The following GRHL2 variants were observed in gnomAD, a reference collection of about 807,000 sequenced individuals.
GRHL2 encodes the protein grainyhead like transcription factor 2.
In GRHL2, 21 loss-of-function variants were observed where a neutral mutation model predicts 83.8. The ratio of observed to expected loss-of-function variants is 0.25; its 90% CI spans 0.18 to 0.36. The LOEUF is 0.36. Ranked by LOEUF, GRHL2 falls within the 10% of genes least tolerant of loss-of-function variation. The pLI, the probability that GRHL2 is intolerant of heterozygous loss-of-function variation, is 1.00. For synonymous variants in GRHL2, 280 were observed against 278.9 expected (o/e 1.00, Z -0.04); for missense variants, 623 against 781.8 (o/e 0.80, Z 2.42).
intron 8 of GRHL2, among the ~76,000 whole-genome samples, chr8:101,609,531 G>A (rs966186161): frequency 6.6e-6 from 1 of 150,934 alleles, no homozygotes; most frequent in Non-Finnish European, 1.5e-5. Flanking sequence ...ATTTATACAC[G>A]CACATGTGAA....
At chr8:101,521,582 G>T (rs879425872) in intron 1 of GRHL2, among the ~76,000 whole-genome samples, 1 of 152,090 alleles carries the variant, frequency 6.6e-6, no homozygotes, top group Non-Finnish European at 1.5e-5. Context: ...CTTTTTCATC[G>T]CTGTATCCCA....
Position 101,649,401 on chromosome 8 carries a change from C to G in GRHL2, c.1613-13C>G, listed in dbSNP as rs1470065241. 3.1e-6 allele frequency: 5 copies of G among 1,610,236 alleles called. No individual in the cohort carries two copies. Among genetic ancestry groups the G allele is most frequent in the Non-Finnish European group, 4.2e-6 (5 of 1,176,678 alleles). On this transcript the variant is annotated splice_polypyrimidine_tract_variant and intron_variant, in intron 13 of 15. Transcript: ENST00000646743. ...CCCCTCGGTCACGTGGCTCTCTTGC[C>G]CATCTCTTCCAGTGCTCTTGTACGT...
At position 101,632,339 on chromosome 8, in the gene GRHL2, T is replaced by C; in HGVS notation, c.1459T>C (p.Phe487Leu). 6.2e-7 allele frequency: 1 copy of C among 1,613,970 alleles called. No individual in the cohort carries two copies. Among genetic ancestry groups the C allele is most frequent in the Non-Finnish European group, 8.5e-7 (1 of 1,179,894 alleles). The change falls in exon 11 of 16, where the codon TTT (phenylalanine) becomes CTT (leucine). Residue 487 changes from phenylalanine (F) to leucine (L), a missense_variant. Transcript: ENST00000646743. Reference sequence around the variant, plus strand: ...AGTTCTCTTCATACCTGATGTTCACTTTGCAAACCTGCAGAGGACCGGACA... The same window carrying C: ...AGTTCTCTTCATACCTGATGTTCACCTTGCAAACCTGCAGAGGACCGGACA... ...QPVLFIPDVH[F>L]ANLQRTGQVY...
intron 1 of GRHL2, among the ~76,000 whole-genome samples, chr8:101,503,997 CATTTATGT>C (rs1300970442): frequency 6.6e-6 from 1 of 151,864 alleles, no homozygotes; most frequent in Non-Finnish European, 1.5e-5. Flanking sequence ...TTTATTTATG[CATTTATGT>C]ATTTATGTAT....
At chr8:101,554,914 C>A (rs1282315852) in intron 3 of GRHL2, among the ~76,000 whole-genome samples, 1 of 152,084 alleles carries the variant, frequency 6.6e-6, no homozygotes, top group Admixed American at 6.6e-5. Flanking sequence ...GCTTCAAAAG[C>A]TAAAACTGTT....
At position 101,492,622 on chromosome 8, in the gene GRHL2, G is replaced by A; in HGVS notation, c.-148G>A. ...GAGCGGGCGAGCGAGCGAGAGTGGT[G>A]AGGGGGGACGGAAAAGCAGAATTAC... On this transcript the variant is annotated 5_prime_UTR_variant, in exon 1 of 16. Coordinates refer to ENST00000646743, the MANE Select transcript of GRHL2 (RefSeq NM_024915.4). 1.3e-6 allele frequency: 1 copy of A among 764,626 alleles called. No individual in the cohort carries two copies. The highest frequency in any genetic ancestry group is 2.4e-6 in the Non-Finnish European group (1 of 418,500). The allele number at this position is 764,626 out of a possible 1,614,324, so 47.4% of individuals were successfully genotyped here. A position where few individuals can be genotyped will look rare whatever the true frequency, so the allele number is the denominator to read the frequency against.
rs1233649237 is a variant in GRHL2 at position 101,553,099 on chromosome 8, C to G, written c.284+317C>G. Among the ~76,000 whole-genome samples, 10 of 152,182 alleles carry G rather than the reference C, an allele frequency of 6.6e-5. No individual in the cohort carries two copies. In the South Asian group the frequency reaches 8.3e-4, roughly 13 times the overall value. Reference sequence around the variant, plus strand: ...TTAACTTTTCTGATCAATCCTATGGCATTATAACTGCAATTAGGCCCCTCA... The same window carrying G: ...TTAACTTTTCTGATCAATCCTATGGGATTATAACTGCAATTAGGCCCCTCA... On this transcript the variant is annotated intron_variant, in intron 3 of 15. Transcript: ENST00000646743.
intron 7 of GRHL2, among the ~76,000 whole-genome samples, chr8:101,586,446 G>A (rs1812173387): frequency 6.6e-6 from 1 of 152,104 alleles, no homozygotes; most frequent in Admixed American, 6.5e-5. Context: ...TCACCTGGAA[G>A]ACATCTCACA....
At chr8:101,515,645 G>T (rs1319641290) in intron 1 of GRHL2, among the ~76,000 whole-genome samples, 1 of 152,124 alleles carries the variant, frequency 6.6e-6, no homozygotes. Flanking sequence ...GGTTGGATGG[G>T]GGGTGATTTC....
chr8:101,552,256 C>T (rs968168274), intron 2 of GRHL2, among the ~76,000 whole-genome samples: 4 of 152,214 alleles, frequency 2.6e-5, no homozygotes, highest in African/African-American at 9.6e-5. Flanking sequence ...CGTGCCTAAG[C>T]ACTCCCAACC....
chr8:101,675,545 C>G, the GRHL2 span, among the ~76,000 whole-genome samples: 1 of 151,826 alleles, frequency 6.6e-6, no homozygotes, highest in African/African-American at 2.4e-5. Context: ...AACCACTGCT[C>G]AAGGAAATAA....
At chr8:101,639,250 T>C (rs1860037801) in intron 12 of GRHL2, among the ~76,000 whole-genome samples, 1 of 152,232 alleles carries the variant, frequency 6.6e-6, no homozygotes. Context: ...CATCTTTTGC[T>C]CTTACACATC....
Position 101,514,314 on chromosome 8 carries a change from T to C in GRHL2, c.20+21525T>C, listed in dbSNP as rs369034815. On this transcript the variant is annotated intron_variant, in intron 1 of 15. Transcript: ENST00000646743. ...AACAAAGAGACTTTGTCTCAGTTTA[T>C]GTATGTGTTAGTCCAGATGCTCCAA... Among the ~76,000 whole-genome samples the C allele has an allele frequency of 2.6e-5, 4 of 152,306 alleles. No individual in the cohort carries two copies. In the East Asian group the frequency reaches 5.8e-4, roughly 22 times the overall value.
rs190963289 is a variant in GRHL2, at chr8:101,653,588, A to C, written c.1698+4089A>C. The stretch of plus-strand genomic sequence containing the variant: ...AACGTGGTGAAACCCTGTCTCTACC[A>C]GAAAATTAGCTGAGTGTGCTGGCAT... On this transcript the variant is annotated intron_variant, in intron 14 of 15. Transcript: ENST00000646743. Among the ~76,000 whole-genome samples, 9 of 152,284 alleles carry C rather than the reference A, an allele frequency of 5.9e-5. No homozygotes were observed. The East Asian group carries it at 1.3e-3, about 23-fold the overall frequency.
At chr8:101,545,794 T>C (rs1811250531) in intron 2 of GRHL2, among the ~76,000 whole-genome samples, 1 of 151,034 alleles carries the variant, frequency 6.6e-6, no homozygotes, top group Non-Finnish European at 1.5e-5. Flanking sequence ...GTTGTATTGA[T>C]CTTCAAAATC....
At chr8:101,664,588 T>A in intron 15 of GRHL2, 70 bp downstream of exon 15, 1 of 1,125,204 alleles carries the variant, frequency 8.9e-7, no homozygotes, top group South Asian at 1.3e-5. Flanking sequence ...AAAAATAAAA[T>A]GATGCCTGTC....
intron 7 of GRHL2, among the ~76,000 whole-genome samples, chr8:101,582,722 C>T (rs769701659): frequency 3.3e-5 from 5 of 152,202 alleles, no homozygotes; most frequent in African/African-American, 9.6e-5. Flanking sequence ...CCCACCTCAG[C>T]GTCTTTGCAG....
chr8:101,643,369 C>CAAAAAA (rs56301334), intron 12 of GRHL2, among the ~76,000 whole-genome samples: 10 of 96,952 alleles, frequency 1.0e-4, no homozygotes, highest in African/African-American at 3.3e-4. Flanking sequence ...CTGTTTCTCT[C>CAAAAAA]AAAAAAAAAA....
rs1432515181 is a variant in GRHL2 at position 101,669,614 on chromosome 8, CTT to C, written c.*2912_*2913del. 3 of 151,718 alleles carry C rather than the reference CTT, an allele frequency of 2.0e-5. No homozygotes were observed. The highest frequency in any genetic ancestry group is 4.9e-5 in the African/African-American group (2 of 41,152). The allele number at this position is 151,718 out of a possible 1,614,324, so 9.4% of individuals were successfully genotyped here. On this transcript the variant is annotated 3_prime_UTR_variant, in exon 16 of 16. Coordinates refer to ENST00000646743, the MANE Select transcript of GRHL2 (RefSeq NM_024915.4). Reference sequence around the variant, plus strand: ...TTTAAAAAAAAAAAGGTAAATGTAACTTAATAGTTTTGTAAATGGGAGAGGGG... The same window carrying C: ...TTTAAAAAAAAAAAGGTAAATGTAACAATAGTTTTGTAAATGGGAGAGGGG...
Sources: gnomAD v4.1 joint callset for allele counts (sites outside exome capture counted in the v4.1 genomes callset) on GRCh38, gnomAD v4.1.1 for gene constraint, MANE v1.5 for transcripts, NCBI Gene and HGNC (gene_info 2026-07-23, HGNC 2026-07-21) for gene names.